The following DOCK2 variants were observed in gnomAD, a reference collection of about 807,000 sequenced individuals.
The protein encoded by DOCK2 is dedicator of cytokinesis protein 2.
A neutral mutation model predicts 248.9 loss-of-function variants in DOCK2; 87 were observed. That is an observed-to-expected ratio of 0.35 (90% CI 0.29 to 0.42). DOCK2 has a LOEUF of 0.42. Among genes scored for constraint, DOCK2 ranks in the 10% least tolerant of loss-of-function variants. DOCK2 has a pLI of 1.00. For synonymous variants in DOCK2, 805 were observed against 821.6 expected, an observed-to-expected ratio of 0.98 and a Z score of 0.35; for missense variants, 1,747 against 2,300.2, an observed-to-expected ratio of 0.76 and a Z score of 4.92.
At chr5:169,895,018 C>T (rs1468952060) in intron 27 of DOCK2, among the ~76,000 whole-genome samples, 1 of 152,174 alleles carries the variant, frequency 6.6e-6, no homozygotes, top group East Asian at 1.9e-4. Context: ...TTCCTCCTCT[C>T]GTGCAGGAAT....
At chr5:170,035,893 AG>A (rs1161207313) in intron 35 of DOCK2, among the ~76,000 whole-genome samples, 1 of 152,174 alleles carries the variant, frequency 6.6e-6, no homozygotes, top group Non-Finnish European at 1.5e-5. Flanking sequence ...CAGAATCTGT[AG>A]GGACTTGTTT....
At chr5:169,816,773 A>T (rs1768092483) in intron 26 of DOCK2, among the ~76,000 whole-genome samples, 2 of 152,136 alleles carry the variant, frequency 1.3e-5, no homozygotes, top group Non-Finnish European at 2.9e-5. Context: ...GGACTGCGTA[A>T]TCACAGCATG....
At chr5:169,834,866 C>A (rs768154382) in intron 26 of DOCK2, among the ~76,000 whole-genome samples, 5 of 152,156 alleles carry the variant, frequency 3.3e-5, no homozygotes, top group Non-Finnish European at 7.4e-5. Flanking sequence ...AACAAGCAAA[C>A]AGAAGCAAAT....
intron 22 of DOCK2, among the ~76,000 whole-genome samples, chr5:169,721,116 C>G (rs562009705): frequency 6.0e-4 from 91 of 152,326 alleles, no homozygotes; most frequent in African/African-American, 2.1e-3. Context: ...TCTTCTCTGC[C>G]TCAAGGCATA....
At chr5:169,737,199 G>A (rs930157646) in intron 22 of DOCK2, among the ~76,000 whole-genome samples, 7 of 152,116 alleles carry the variant, frequency 4.6e-5, no homozygotes, top group Non-Finnish European at 8.8e-5. Flanking sequence ...GAGGAGGAGG[G>A]TGTAGTAGGT....
chr5:169,860,650 C>A (rs1400403176), intron 27 of DOCK2, among the ~76,000 whole-genome samples: 2 of 152,114 alleles, frequency 1.3e-5, no homozygotes, highest in Non-Finnish European at 2.9e-5. Context: ...AGGTGTAAAC[C>A]CAAGCTGGTT....
chr5:169,986,845 A>G (rs1034523886), intron 29 of DOCK2, among the ~76,000 whole-genome samples: 3 of 152,028 alleles, frequency 2.0e-5, no homozygotes, highest in African/African-American at 7.2e-5. Context: ...CCCTCTACCT[A>G]TTGTTCTTGT....
chr5:169,740,049 G>T (rs560482179), intron 22 of DOCK2, among the ~76,000 whole-genome samples: 1 of 152,354 alleles, frequency 6.6e-6, no homozygotes, highest in East Asian at 1.9e-4. Context: ...CTTAAGTGCA[G>T]AATTATGCAA....
intron 19 of DOCK2, 110 bp downstream of exon 19, chr5:169,714,567 C>A: frequency 8.7e-7 from 1 of 1,155,260 alleles, no homozygotes; most frequent in Non-Finnish European, 1.2e-6. Flanking sequence ...AACTTTTCTT[C>A]CAACAGTAGG....
At chr5:169,765,748 G>T (rs904468934) in intron 25 of DOCK2, among the ~76,000 whole-genome samples, 2 of 152,180 alleles carry the variant, frequency 1.3e-5, no homozygotes, top group Admixed American at 1.3e-4. Flanking sequence ...ACAGACACCT[G>T]ACAGAGATTT....
chr5:169,940,186 C>T (rs959140311), intron 27 of DOCK2, among the ~76,000 whole-genome samples: 11 of 152,288 alleles, frequency 7.2e-5, no homozygotes, highest in African/African-American at 2.6e-4. Context: ...TAGAAGGGAC[C>T]TGCTGCTTTA....
At chr5:169,883,282 T>C (rs1561793218) in intron 27 of DOCK2, 1 of 1,551,496 alleles carries the variant, frequency 6.4e-7, no homozygotes, top group East Asian at 2.4e-5. Flanking sequence ...ATAAATATCA[T>C]CTGGAACCTG....
At chr5:169,978,107 G>C (rs1341923136) in intron 27 of DOCK2, among the ~76,000 whole-genome samples, 1 of 151,852 alleles carries the variant, frequency 6.6e-6, no homozygotes, top group Admixed American at 6.6e-5. Flanking sequence ...TATTTTGGTC[G>C]TGCGCATTAT....
At chr5:170,018,698 A>T (rs1755617891) in intron 32 of DOCK2, among the ~76,000 whole-genome samples, 1 of 152,176 alleles carries the variant, frequency 6.6e-6, no homozygotes, top group Non-Finnish European at 1.5e-5. Context: ...AACCCTTGTA[A>T]ACAGTGAAGT....
In DOCK2 at chr5:169,985,829, A is replaced by T. The variant is rs764243508; in HGVS notation, c.2900A>T (p.Asp967Val). The change falls in exon 29 of 52, where the codon GAC (aspartate) becomes GTC (valine). Residue 967 changes from aspartate to valine, a missense_variant and splice_region_variant. Transcript: ENST00000520908. ...ETFQTSSELV[D>V]FLMETFIMFK... is the part of the protein sequence containing the mutation. ...GTGTGCTGTGCTTCATTGTTTCAGGACTTCTTGATGGAGACCTTCATCATG... is the reference window on the plus strand; with the variant it reads ...GTGTGCTGTGCTTCATTGTTTCAGGTCTTCTTGATGGAGACCTTCATCATG... The T allele has an allele frequency of 6.2e-6, 10 of 1,606,736 alleles. No homozygotes were observed. Among genetic ancestry groups the T allele is most frequent in the Non-Finnish European group, 8.5e-6 (10 of 1,175,758 alleles).
chr5:169,684,409 C>T lies in DOCK2; in HGVS notation c.761+59C>T, dbSNP rs1242758817. On this transcript the variant is annotated intron_variant, in intron 8 of 51. Transcript: ENST00000520908. ...CTATGGGAAGCAGTGCACAGAGCAT[C>T]TTTTCTTTCCATCCTCACTTGTGGA... is the stretch of plus-strand genomic sequence containing the variant. The T allele has an allele frequency of 3.2e-6, 5 of 1,564,028 alleles. No individual in the cohort carries two copies. The South Asian group carries it at 5.9e-5, about 19-fold the overall frequency.
chr5:169,645,043 T>C (rs540211271), intron 1 of DOCK2, among the ~76,000 whole-genome samples: 33 of 152,230 alleles, frequency 2.2e-4, no homozygotes, highest in Non-Finnish European at 3.5e-4. Flanking sequence ...CAATCTATCA[T>C]TGATGGGCAT....
intron 26 of DOCK2, among the ~76,000 whole-genome samples, chr5:169,817,398 A>G (rs1191617420): frequency 1.3e-5 from 2 of 152,230 alleles, no homozygotes; most frequent in African/African-American, 2.4e-5. Flanking sequence ...TTTGTCAGGT[A>G]CCATGCTAGG....
At chr5:169,870,294 G>A (rs186122102) in intron 27 of DOCK2, among the ~76,000 whole-genome samples, 2 of 152,128 alleles carry the variant, frequency 1.3e-5, no homozygotes, top group Middle Eastern at 3.2e-3. Context: ...CATCATGCTC[G>A]CTGAAAAGCA....
Sources: gnomAD v4.1 joint callset for allele counts (sites outside exome capture counted in the v4.1 genomes callset) on GRCh38, gnomAD v4.1.1 for gene constraint, MANE v1.5 for transcripts, NCBI Gene and HGNC (gene_info 2026-07-23, HGNC 2026-07-21) for gene names.